SPATA16: variants seen among roughly 807,000 people sequenced by gnomAD.
SPATA16 encodes the protein spermatogenesis associated 16.
Under a neutral mutation model 63.3 loss-of-function variants are expected in SPATA16, and 36 were observed. The ratio of observed to expected loss-of-function variants is 0.57; its 90% CI spans 0.44 to 0.75. SPATA16 has a LOEUF of 0.75. Among genes scored for constraint, SPATA16 ranks in the 30% least tolerant of loss-of-function variants. SPATA16 has a pLI of 0.00. For synonymous variants in SPATA16, 203 were observed against 216.7 expected (o/e 0.94, Z 0.56); for missense variants, 646 against 679.3 (o/e 0.95, Z 0.54).
intron 2 of SPATA16, among the ~76,000 whole-genome samples, chr3:173,092,930 G>A (rs1016354471): frequency 2.0e-5 from 3 of 151,792 alleles, no homozygotes; most frequent in African/African-American, 7.3e-5. Flanking sequence ...TTCTTTTTCT[G>A]AAGTAGTCCC....
At chr3:172,892,555 T>C (rs1165506008) in intron 10 of SPATA16, among the ~76,000 whole-genome samples, 2 of 152,232 alleles carry the variant, frequency 1.3e-5, no homozygotes, top group African/African-American at 4.8e-5. Flanking sequence ...TTTTAGCTTC[T>C]ATACTTACTG....
chr3:172,920,882 A>G (rs1263328370), intron 8 of SPATA16, among the ~76,000 whole-genome samples: 2 of 152,146 alleles, frequency 1.3e-5, no homozygotes, highest in East Asian at 3.9e-4. Flanking sequence ...AAGGACTAGT[A>G]TCATCTTTTG....
At chr3:173,105,386 G>C (rs555370901) in intron 2 of SPATA16, among the ~76,000 whole-genome samples, 2 of 152,244 alleles carry the variant, frequency 1.3e-5, no homozygotes, top group South Asian at 4.1e-4. Flanking sequence ...CAGTCAAACA[G>C]GTTATTCTTT....
chr3:172,938,746 C>G (rs1577097138), intron 6 of SPATA16, among the ~76,000 whole-genome samples: 1 of 152,010 alleles, frequency 6.6e-6, no homozygotes, highest in Admixed American at 6.6e-5. Context: ...AAGTTAGAAT[C>G]ACAGAAAGTT....
At chr3:172,983,584 A>T (rs553856837) in intron 4 of SPATA16, among the ~76,000 whole-genome samples, 1 of 152,320 alleles carries the variant, frequency 6.6e-6, no homozygotes, top group East Asian at 1.9e-4. Context: ...ATACTTAAAA[A>T]AGCTCAAGAA....
chr3:172,916,231 A>ATTTTTGTTTTTTT, intron 9 of SPATA16, 86 bp downstream of exon 9: 1 of 1,101,274 alleles, frequency 9.1e-7, no homozygotes, highest in Non-Finnish European at 1.3e-6. Context: ...TTACCACAGG[A>ATTTTTGTTTTTTT]TTTTTTTTTT....
At chr3:172,944,269 T>A (rs1423380514) in intron 6 of SPATA16, among the ~76,000 whole-genome samples, 1 of 152,170 alleles carries the variant, frequency 6.6e-6, no homozygotes, top group East Asian at 1.9e-4. Context: ...ATGCTCAACA[T>A]CACTAATCAT....
chr3:172,963,882 A>G (rs1032654480), intron 5 of SPATA16, among the ~76,000 whole-genome samples: 5 of 152,162 alleles, frequency 3.3e-5, no homozygotes, highest in African/African-American at 1.2e-4. Context: ...CCCTAAGCCA[A>G]TCTTTCTTCT....
intron 1 of SPATA16, among the ~76,000 whole-genome samples, chr3:173,120,203 C>T (rs1738024626): frequency 6.6e-6 from 1 of 152,084 alleles, no homozygotes; most frequent in South Asian, 2.1e-4. Context: ...CTGTCTTGGC[C>T]ATCACTTTAT....
chr3:172,974,127 T>C (rs1340546366), intron 5 of SPATA16, among the ~76,000 whole-genome samples: 3 of 152,148 alleles, frequency 2.0e-5, no homozygotes, highest in African/African-American at 7.2e-5. Context: ...AAAGCAAAGG[T>C]CCATTCTTCT....
chr3:173,095,476 A>G (rs1156433127), intron 2 of SPATA16, among the ~76,000 whole-genome samples: 1 of 152,176 alleles, frequency 6.6e-6, no homozygotes, highest in Non-Finnish European at 1.5e-5. Context: ...TATGTCAGCT[A>G]TCTATAAATT....
chr3:173,059,832 CTTTTTT>C (rs201000096), intron 2 of SPATA16, among the ~76,000 whole-genome samples: 15 of 71,298 alleles, frequency 2.1e-4, no homozygotes, highest in African/African-American at 3.8e-4. Context: ...CATTTGGTAG[CTTTTTT>C]TTTTTTTTTT....
intron 2 of SPATA16, among the ~76,000 whole-genome samples, chr3:173,105,332 T>C (rs1344750784): frequency 1.3e-5 from 2 of 152,164 alleles, no homozygotes; most frequent in African/African-American, 2.4e-5. Context: ...CCTGGTTGGG[T>C]TGCAGTGATA....
chr3:172,991,994 C>G (rs1166988518), intron 4 of SPATA16, among the ~76,000 whole-genome samples: 1 of 152,168 alleles, frequency 6.6e-6, no homozygotes, highest in Admixed American at 6.6e-5. Flanking sequence ...TCTTTTACCA[C>G]AGTTGTTGAA....
At chr3:173,106,094 C>G (rs1737615828) in intron 2 of SPATA16, among the ~76,000 whole-genome samples, 1 of 152,110 alleles carries the variant, frequency 6.6e-6, no homozygotes, top group Non-Finnish European at 1.5e-5. Context: ...TATATTTTCT[C>G]TATATATACA....
intron 2 of SPATA16, among the ~76,000 whole-genome samples, chr3:173,099,240 GAA>G (rs1319161262): frequency 6.6e-6 from 1 of 151,890 alleles, no homozygotes; most frequent in African/African-American, 2.4e-5. Flanking sequence ...GAAAGAGACA[GAA>G]AGAGAGAGAG....
intron 6 of SPATA16, among the ~76,000 whole-genome samples, chr3:172,940,114 T>G (rs371327566): frequency 6.6e-6 from 1 of 152,208 alleles, no homozygotes; most frequent in Non-Finnish European, 1.5e-5. Context: ...ACTATCTTGC[T>G]CTGTGCATCT....
At chr3:172,929,316 A>T (rs960905952) in intron 6 of SPATA16, among the ~76,000 whole-genome samples, 6 of 152,206 alleles carry the variant, frequency 3.9e-5, no homozygotes, top group Admixed American at 3.9e-4. Flanking sequence ...AATATCAAAG[A>T]TAGATTATGC....
intron 2 of SPATA16, among the ~76,000 whole-genome samples, chr3:173,052,309 T>C (rs1353779439): frequency 6.6e-6 from 1 of 152,118 alleles, no homozygotes; most frequent in Non-Finnish European, 1.5e-5. Flanking sequence ...ATGATCTATC[T>C]TAACACACTA....
Sources: allele counts gnomAD v4.1 joint callset (sites outside exome capture counted in the v4.1 genomes callset), GRCh38; gene constraint gnomAD v4.1.1; transcripts MANE v1.5; gene names NCBI Gene and HGNC (gene_info 2026-07-23, HGNC 2026-07-21).